The following ESRRB variants were observed in gnomAD, a reference collection of about 807,000 sequenced individuals.
The protein encoded by ESRRB is estrogen related receptor beta.
Under a neutral mutation model 46.0 loss-of-function variants are expected in ESRRB, and 16 were observed. The ratio of observed to expected loss-of-function variants is 0.35; its 90% CI spans 0.24 to 0.53. The LOEUF (loss-of-function observed/expected upper bound fraction) is 0.53, where lower values mean the gene tolerates loss of function less well. ESRRB is among the 20% of genes least tolerant of loss of function. The pLI is 0.93. For missense variants in ESRRB, 488 were observed against 607.4 expected (o/e 0.80, Z 2.07); for synonymous variants, 246 against 259.6 (o/e 0.95, Z 0.50).
chr14:76,391,662 C>T (rs1390341101), intron 1 of ESRRB, among the ~76,000 whole-genome samples: 2 of 152,196 alleles, frequency 1.3e-5, no homozygotes, highest in African/African-American at 2.4e-5. Flanking sequence ...GGTTCTGATT[C>T]GTCTGCAGCA....
At position 76,482,092 on chromosome 14, in the gene ESRRB, G is replaced by A. The variant is rs373006116; in HGVS notation, c.654G>A (p.Leu218=). 1.9e-6 allele frequency: 3 copies of A among 1,614,200 alleles called. No individual in the cohort carries two copies. Among genetic ancestry groups the A allele is most frequent in the Admixed American group, 1.7e-5 (1 of 60,026 alleles). The change falls in exon 4 of 7, where the codon CTG becomes CTA. Residue 218 remains leucine, a synonymous_variant. Transcript: ENST00000644823. This position sits in a 1 kb window ranked among gnomAD's most constrained non-coding sequence, Gnocchi z 4.3. ...RRLDSESSPY[L]SLQISPPAKK... is the part of the protein sequence containing the mutation. ...TGGACTCAGAGAGCAGCCCATACCT[G>A]AGCTTACAAATTTCTCCACCTGCTA...
At chr14:76,344,257 TTTTA>T (rs1311874874) in intron 1 of ESRRB, among the ~76,000 whole-genome samples, 3 of 152,230 alleles carry the variant, frequency 2.0e-5, no homozygotes, top group African/African-American at 7.2e-5. Context: ...AGTGTTGTGC[TTTTA>T]TTTATTTTTA....
intron 6 of ESRRB, among the ~76,000 whole-genome samples, chr14:76,497,298 C>G (rs1265847487): frequency 2.0e-5 from 3 of 152,224 alleles, no homozygotes; most frequent in South Asian, 4.2e-4. Flanking sequence ...CACTCACCCC[C>G]AGCCTGAGTC....
Position 76,439,378 on chromosome 14 carries a change from G to T in ESRRB, c.88G>T (p.Gly30Cys), listed in dbSNP as rs747537346. ...NRMSSDDRHL[G>C]SSCGSFIKTE... ...GATGTCCTCGGACGACAGGCACCTG[G>T]GCTCCAGCTGCGGCTCCTTCATCAA... The change falls in exon 2 of 7, where the codon GGC (glycine) becomes TGC (cysteine). Residue 30 changes from glycine to cysteine, a missense_variant. Gly to Cys is a radical substitution (Grantham distance 159, BLOSUM62 -3). Coordinates refer to ENST00000644823, the MANE Select transcript of ESRRB (RefSeq NM_001379180.1). The T allele has an allele frequency of 1.9e-6, 3 of 1,613,694 alleles. No individual in the cohort carries two copies. Among genetic ancestry groups the T allele is most frequent in the Non-Finnish European group, 2.5e-6 (3 of 1,180,046 alleles).
At chr14:76,374,040 G>A (rs1884685485), upstream of ESRRB, among the ~76,000 whole-genome samples, 1 of 152,148 alleles carries the variant, frequency 6.6e-6, no homozygotes, top group Non-Finnish European at 1.5e-5. Context: ...AGGAGTCAAG[G>A]GGCCCCAGAC....
At chr14:76,471,686 A>G (rs758385741) in intron 3 of ESRRB, among the ~76,000 whole-genome samples, 10 of 152,202 alleles carry the variant, frequency 6.6e-5, no homozygotes, top group Non-Finnish European at 1.2e-4. Context: ...AGGCCTCCCT[A>G]TCCACTCTAT....
At chr14:76,329,462 C>T (rs1022306527) in intron 1 of ESRRB, among the ~76,000 whole-genome samples, 1 of 152,146 alleles carries the variant, frequency 6.6e-6, no homozygotes. Context: ...GCACAGCACA[C>T]TCCAGGCACT....
chr14:76,339,422 G>A (rs1248802642), intron 1 of ESRRB, among the ~76,000 whole-genome samples: 1 of 152,168 alleles, frequency 6.6e-6, no homozygotes, highest in African/African-American at 2.4e-5. Flanking sequence ...CCCATGAATG[G>A]TAGCCATCGT....
intron 1 of ESRRB, among the ~76,000 whole-genome samples, chr14:76,333,125 AT>A (rs1884069622): frequency 1.2e-4 from 1 of 8,108 alleles, no homozygotes; most frequent in Non-Finnish European, 2.2e-4. Flanking sequence ...TATAATATAT[AT>A]ATTATATATT....
chr14:76,461,473 C>T (rs1326208964), intron 2 of ESRRB, among the ~76,000 whole-genome samples: 1 of 139,022 alleles, frequency 7.2e-6, no homozygotes, highest in South Asian at 2.3e-4. Flanking sequence ...TTTATGGTAG[C>T]CATTCTTTTG....
intron 1 of ESRRB, among the ~76,000 whole-genome samples, chr14:76,351,941 C>CACT (rs1884317255): frequency 7.0e-6 from 1 of 143,806 alleles, no homozygotes; most frequent in Non-Finnish European, 1.5e-5. Context: ...ACTATGATGG[C>CACT]ACTACTGCAC....
At chr14:76,413,878 T>TC (rs1230594357) in intron 1 of ESRRB, among the ~76,000 whole-genome samples, 1 of 17,858 alleles carries the variant, frequency 5.6e-5, no homozygotes, top group Non-Finnish European at 1.1e-4. Context: ...CCCTGCACCG[T>TC]CCCCCGCCCC....
At chr14:76,472,572 T>C (rs892349822) in intron 3 of ESRRB, among the ~76,000 whole-genome samples, 1 of 152,248 alleles carries the variant, frequency 6.6e-6, no homozygotes. Flanking sequence ...TGAGCCATTG[T>C]GTCTGAGGCA....
At position 76,498,538 on chromosome 14, in the gene ESRRB, C is replaced by T; in HGVS notation, c.*80C>T. 3 of 1,609,460 alleles carry T rather than the reference C, an allele frequency of 1.9e-6. No homozygotes were observed. In the South Asian group the frequency reaches 3.3e-5, roughly 18 times the overall value. On this transcript the variant is annotated 3_prime_UTR_variant, in exon 7 of 7. Coordinates refer to ENST00000644823, the MANE Select transcript of ESRRB (RefSeq NM_001379180.1). ...GGTGGAGACCTCCACAGCCACCAGC[C>T]TCCACCTTCAACCCCTGTATCATGG...
At chr14:76,363,367 A>T (rs1884486219) in intron 1 of ESRRB, among the ~76,000 whole-genome samples, 1 of 152,168 alleles carries the variant, frequency 6.6e-6, no homozygotes, top group South Asian at 2.1e-4. Flanking sequence ...TGCTCCAACC[A>T]AGCAAATTGG....
At chr14:76,434,204 G>A (rs1169981976) in intron 1 of ESRRB, among the ~76,000 whole-genome samples, 3 of 152,204 alleles carry the variant, frequency 2.0e-5, no homozygotes, top group African/African-American at 7.2e-5. Context: ...AAGGACAGAT[G>A]GAGGGAGTGG....
intron 1 of ESRRB, among the ~76,000 whole-genome samples, chr14:76,434,162 C>T (rs778118352): frequency 1.1e-4 from 16 of 152,064 alleles, no homozygotes; most frequent in Non-Finnish European, 2.1e-4. Flanking sequence ...ATTTTTCATT[C>T]GAATGAATGA....
chr14:76,498,675 T>A lies in ESRRB; in HGVS notation c.*217T>A. On this transcript the variant is annotated 3_prime_UTR_variant, in exon 7 of 7. Coordinates refer to ENST00000644823, the MANE Select transcript of ESRRB (RefSeq NM_001379180.1). ...GGGGCAGGGGTGTGGGGCTCGACTG[T>A]AACTGGCTTTTTCTTTGGTATGTCT... is the stretch of plus-strand genomic sequence containing the variant. 1 of 1,471,582 alleles carries A rather than the reference T, an allele frequency of 6.8e-7. No individual in the cohort carries two copies. The highest frequency in any genetic ancestry group is 9.3e-7 in the Non-Finnish European group (1 of 1,074,932). The allele number at this position is 1,471,582 out of a possible 1,614,324, so 91.2% of individuals were successfully genotyped here.
rs1890645624 is a variant in ESRRB at position 76,501,180 on chromosome 14, C to A, written c.*2722C>A. 1 of 188,446 alleles carries A rather than the reference C, an allele frequency of 5.3e-6. No homozygotes were observed. Among genetic ancestry groups the A allele is most frequent in the African/African-American group, 2.3e-5 (1 of 42,944 alleles). 11.7% of individuals were successfully genotyped at this position (188,446 alleles called of 1,614,324 possible). On this transcript the variant is annotated 3_prime_UTR_variant, in exon 7 of 7. Transcript: ENST00000644823. ...GAGGAAACAGCCTGTCTCAGCTGTA[C>A]TCTCATGATACAGGTCATTTGAAAT... is the stretch of plus-strand genomic sequence containing the variant.
Sources: allele counts gnomAD v4.1 joint callset (sites outside exome capture counted in the v4.1 genomes callset), GRCh38; gene constraint gnomAD v4.1.1; non-coding constraint Gnocchi (gnomAD v3.1); transcripts MANE v1.5; gene names NCBI Gene and HGNC (gene_info 2026-07-23, HGNC 2026-07-21).